ADK: variants seen among roughly 807,000 people sequenced by gnomAD.
The protein encoded by ADK is adenosine kinase.
ADK carries 24 observed loss-of-function variants against 44.7 expected under a neutral mutation model. The ratio of observed to expected loss-of-function variants is 0.54; its 90% CI spans 0.39 to 0.76. The LOEUF is 0.76. ADK is among the 30% of genes least tolerant of loss of function. The pLI, the probability that ADK is intolerant of heterozygous loss-of-function variation, is 0.00. For missense variants in ADK, 321 were observed against 425.1 expected (o/e 0.76, Z 2.15); for synonymous variants, 128 against 142.6 (o/e 0.90, Z 0.73).
intron 7 of ADK, among the ~76,000 whole-genome samples, chr10:74,565,510 C>T (rs1453907163): frequency 6.6e-6 from 1 of 151,830 alleles, no homozygotes; most frequent in African/African-American, 2.4e-5. Flanking sequence ...GGCAGATCAC[C>T]TGAGGTTGGG....
intron 1 of ADK, among the ~76,000 whole-genome samples, chr10:74,185,011 C>T (rs1232532344): frequency 1.3e-5 from 2 of 152,072 alleles, no homozygotes; most frequent in Non-Finnish European, 2.9e-5. Flanking sequence ...GGTTACATAA[C>T]CTTGAGGAAC....
intron 3 of ADK, among the ~76,000 whole-genome samples, chr10:74,242,188 T>G (rs1430621270): frequency 1.3e-5 from 2 of 152,266 alleles, no homozygotes; most frequent in African/African-American, 4.8e-5. Flanking sequence ...ATGGCAAGCA[T>G]GTTTTTTAAA....
intron 10 of ADK, among the ~76,000 whole-genome samples, chr10:74,702,167 A>G (rs909658153): frequency 8.6e-5 from 13 of 151,686 alleles, no homozygotes; most frequent in African/African-American, 2.9e-4. Flanking sequence ...GGGACTTTTG[A>G]TAAAGAACAG....
At chr10:74,435,106 G>A (rs1845136967) in intron 6 of ADK, among the ~76,000 whole-genome samples, 1 of 152,112 alleles carries the variant, frequency 6.6e-6, no homozygotes, top group South Asian at 2.1e-4. Context: ...TTGGGTGAGA[G>A]GGAAGGTTTG....
rs397514452 is a variant in ADK at position 74,670,258 on chromosome 10, C to A, written c.953C>A (p.Ala318Glu). ...ATTGATACCAATGGAGCTGGAGATG[C>A]ATTTGTTGGAGGTACAGACTAATTT... Reference protein sequence around the residue: ...EIIDTNGAGDAFVGGFLSQLV... With the variant: ...EIIDTNGAGDEFVGGFLSQLV... Residue 318 changes from alanine to glutamate, a missense_variant, in exon 10 of 11, where the codon GCA (alanine) becomes GAA (glutamate). Coordinates refer to ENST00000539909, the MANE Select transcript of ADK (RefSeq NM_006721.4). The A allele has an allele frequency of 3.1e-6, 5 of 1,613,054 alleles. No individual in the cohort carries two copies. Among genetic ancestry groups the A allele is most frequent in the Non-Finnish European group, 1.7e-6 (2 of 1,179,142 alleles).
intron 6 of ADK, among the ~76,000 whole-genome samples, chr10:74,465,970 A>G (rs1846340684): frequency 6.6e-6 from 1 of 152,124 alleles, no homozygotes; most frequent in Non-Finnish European, 1.5e-5. Flanking sequence ...TTTGTATTTT[A>G]TAATGGATTT....
chr10:74,516,529 T>TTTTC lies in ADK; in HGVS notation c.556-8724_556-8723insCTTT, dbSNP rs1491352592. On this transcript the variant is annotated intron_variant, in intron 6 of 10. Transcript: ENST00000539909. ...ATTGCTTTTCTTTTCTTTTCTTTTC[T>TTTTC]TTTTTTTTTTTTGAGATGGAGTCGC... is the stretch of plus-strand genomic sequence containing the variant. Among the ~76,000 whole-genome samples, 57 of 17,560 alleles carry TTTTC rather than the reference T, an allele frequency of 3.2e-3. 1 individual carries two copies. Among genetic ancestry groups the TTTTC allele is most frequent in the Non-Finnish European group, 1.9e-3 (8 of 4,276 alleles). 11.5% of individuals were successfully genotyped at this position (17,560 alleles called of 152,430 possible).
intron 4 of ADK, among the ~76,000 whole-genome samples, chr10:74,389,371 G>A (rs1359377529): frequency 6.6e-6 from 1 of 152,072 alleles, no homozygotes; most frequent in Non-Finnish European, 1.5e-5. Flanking sequence ...TGTTGATTGA[G>A]TATCAAAATG....
At chr10:74,320,661 A>G (rs1411097795) in intron 4 of ADK, among the ~76,000 whole-genome samples, 1 of 152,156 alleles carries the variant, frequency 6.6e-6, no homozygotes. Context: ...TGATTAAATA[A>G]GATAGAAAAA....
At chr10:74,271,905 C>G (rs1400552396) in intron 3 of ADK, among the ~76,000 whole-genome samples, 1 of 152,010 alleles carries the variant, frequency 6.6e-6, no homozygotes, top group Non-Finnish European at 1.5e-5. Flanking sequence ...ATATGTCAAG[C>G]AAATAAATAC....
intron 4 of ADK, among the ~76,000 whole-genome samples, chr10:74,317,408 A>C (rs1195820280): frequency 6.6e-6 from 1 of 152,118 alleles, no homozygotes; most frequent in Non-Finnish European, 1.5e-5. Flanking sequence ...TTGTAGAAGC[A>C]CTTAATGTGA....
intron 4 of ADK, among the ~76,000 whole-genome samples, chr10:74,364,728 G>C (rs1043488617): frequency 4.4e-5 from 4 of 90,638 alleles, no homozygotes; most frequent in Middle Eastern, 9.4e-3. Context: ...GTGTGTGTGT[G>C]TGTGTGTGTG....
At position 74,253,749 on chromosome 10, in the gene ADK, T is replaced by C. The variant is rs552517055; in HGVS notation, c.194+29158T>C. Reference sequence around the variant, plus strand: ...TTATAAAGAAGTTATAAAGCTGATATAAACTCTCTACACTGCCTTTTTTTT... The same window carrying C: ...TTATAAAGAAGTTATAAAGCTGATACAAACTCTCTACACTGCCTTTTTTTT... On this transcript the variant is annotated intron_variant, in intron 3 of 10. Transcript: ENST00000539909. Among the ~76,000 whole-genome samples, 32 of 148,912 alleles carry C rather than the reference T, an allele frequency of 2.1e-4. No individual in the cohort carries two copies. In the South Asian group the frequency reaches 6.7e-3, roughly 31 times the overall value.
At chr10:74,459,089 GC>G (rs1846063893) in intron 6 of ADK, among the ~76,000 whole-genome samples, 1 of 151,872 alleles carries the variant, frequency 6.6e-6, no homozygotes, top group African/African-American at 2.4e-5. Flanking sequence ...GACCAGCCTG[GC>G]CAACATGGCA....
chr10:74,612,483 G>A (rs1346317000), intron 9 of ADK, among the ~76,000 whole-genome samples: 1 of 151,942 alleles, frequency 6.6e-6, no homozygotes, highest in South Asian at 2.1e-4. Flanking sequence ...GGAGTAATTT[G>A]GGTTTTTCTT....
intron 10 of ADK, among the ~76,000 whole-genome samples, chr10:74,673,859 C>T (rs967966159): frequency 1.3e-5 from 2 of 152,160 alleles, no homozygotes; most frequent in Non-Finnish European, 2.9e-5. Flanking sequence ...AAGATAATCC[C>T]CTGGAGTCCG....
intron 3 of ADK, among the ~76,000 whole-genome samples, chr10:74,243,863 T>G (rs1363169286): frequency 6.6e-6 from 1 of 152,084 alleles, no homozygotes; most frequent in Non-Finnish European, 1.5e-5. Flanking sequence ...CAAAAAAAAT[T>G]TTTTTTAAAC....
intron 7 of ADK, among the ~76,000 whole-genome samples, chr10:74,568,484 G>GA (rs767537533): frequency 2.0e-5 from 3 of 152,080 alleles, no homozygotes; most frequent in Non-Finnish European, 4.4e-5. Flanking sequence ...GAACCCAAGA[G>GA]AAAGTTCTTG....
At chr10:74,270,196 A>G (rs1846372915) in intron 3 of ADK, among the ~76,000 whole-genome samples, 1 of 152,188 alleles carries the variant, frequency 6.6e-6, no homozygotes. Context: ...TATGCCCCAA[A>G]GTGCTATTGC....
Sources: allele counts gnomAD v4.1 joint callset (sites outside exome capture counted in the v4.1 genomes callset), GRCh38; gene constraint gnomAD v4.1.1; transcripts MANE v1.5; gene names NCBI Gene and HGNC (gene_info 2026-07-23, HGNC 2026-07-21).